The following PDGFC variants were observed in gnomAD, a reference collection of about 807,000 sequenced individuals.
PDGFC encodes platelet-derived growth factor C.
A neutral mutation model predicts 35.5 loss-of-function variants in PDGFC; 12 were observed. That is an observed-to-expected ratio of 0.34 (90% confidence interval 0.22 to 0.55). PDGFC has a LOEUF of 0.55. PDGFC is among the 20% of genes least tolerant of loss of function. The pLI, the probability that PDGFC is intolerant of heterozygous loss-of-function variation, is 0.91. For missense variants in PDGFC, 322 were observed against 412.4 expected (o/e 0.78, Z 1.90); for synonymous variants, 159 against 148.8 (o/e 1.07, Z -0.50).
At chr4:156,900,456 TG>T (rs1730739882) in intron 1 of PDGFC, among the ~76,000 whole-genome samples, 1 of 152,060 alleles carries the variant, frequency 6.6e-6, no homozygotes, top group African/African-American at 2.4e-5. Context: ...ACAGACATAA[TG>T]GGTGGAGTCA....
intron 2 of PDGFC, among the ~76,000 whole-genome samples, chr4:156,841,653 C>T (rs762120798): frequency 4.6e-5 from 7 of 152,002 alleles, no homozygotes; most frequent in South Asian, 2.1e-4. Context: ...ATTACAAGCA[C>T]GTGCCACCAT....
At chr4:156,790,005 ATACTTTGAGG>A (rs1731250154) in intron 3 of PDGFC, among the ~76,000 whole-genome samples, 3 of 146,580 alleles carry the variant, frequency 2.0e-5, no homozygotes, top group African/African-American at 8.1e-5. Context: ...AAAAGAAAGA[ATACTTTGAGG>A]AAACATAGTA....
intron 3 of PDGFC, among the ~76,000 whole-genome samples, chr4:156,792,452 G>A (rs1731323457): frequency 6.6e-6 from 1 of 152,074 alleles, no homozygotes; most frequent in South Asian, 2.1e-4. Context: ...AAAAACAAAC[G>A]TGTCAAGATC....
intron 1 of PDGFC, among the ~76,000 whole-genome samples, chr4:156,944,082 G>A (rs1731877845): frequency 6.6e-6 from 1 of 152,114 alleles, no homozygotes; most frequent in South Asian, 2.1e-4. Flanking sequence ...AAATTAAAGT[G>A]GCTATTAGAG....
intron 1 of PDGFC, among the ~76,000 whole-genome samples, 167 bp from the exon 2 acceptor site, chr4:156,850,583 T>G (rs1319435842): frequency 6.6e-6 from 1 of 152,154 alleles, no homozygotes; most frequent in African/African-American, 2.4e-5. Flanking sequence ...AAAAGATTAT[T>G]TTATCATTAT....
intron 3 of PDGFC, among the ~76,000 whole-genome samples, chr4:156,776,031 G>C (rs1730819196): frequency 6.6e-6 from 1 of 151,980 alleles, no homozygotes; most frequent in Non-Finnish European, 1.5e-5. Context: ...GTTCAAGAAA[G>C]AGCCGAGTTG....
intron 1 of PDGFC, among the ~76,000 whole-genome samples, chr4:156,890,607 T>G (rs1332095419): frequency 2.0e-5 from 3 of 152,178 alleles, no homozygotes; most frequent in Admixed American, 6.5e-5. Flanking sequence ...CCGGGGTTCA[T>G]GCACCCTCTT....
chr4:156,783,734 C>T (rs989270361), intron 3 of PDGFC, among the ~76,000 whole-genome samples: 2 of 152,100 alleles, frequency 1.3e-5, no homozygotes, highest in African/African-American at 4.8e-5. Flanking sequence ...ATCTTGATGT[C>T]TTTTGGATAT....
rs1017044973 is a variant in PDGFC, at chr4:156,769,515, C to T, written c.704-1525G>A. ...AAGTATAGGAAAGCACCAAAGAAATCCCAATTCAATGAGTCCATTTCAACA... is the reference window on the plus strand; with the variant it reads ...AAGTATAGGAAAGCACCAAAGAAATTCCAATTCAATGAGTCCATTTCAACA... On this transcript the variant is annotated intron_variant, in intron 4 of 5. Coordinates refer to ENST00000502773, the MANE Select transcript of PDGFC (RefSeq NM_016205.3). Among the ~76,000 whole-genome samples, 8 of 151,792 alleles carry T rather than the reference C, an allele frequency of 5.3e-5. 1 individual carries two copies. The highest frequency in any genetic ancestry group is 5.3e-4 in the Admixed American group (8 of 15,200).
chr4:156,813,619 T>C (rs1478654269), intron 2 of PDGFC, among the ~76,000 whole-genome samples: 3 of 152,066 alleles, frequency 2.0e-5, no homozygotes, highest in African/African-American at 7.2e-5. Context: ...TGGTCCATTG[T>C]GAACTGAGGG....
chr4:156,778,296 G>A (rs1730880811), intron 3 of PDGFC: 1 of 299,850 alleles, frequency 3.3e-6, no homozygotes, highest in Admixed American at 3.4e-5. Context: ...AACCAAACAA[G>A]TATCACACAA....
At chr4:156,941,983 TA>T (rs543144910) in intron 1 of PDGFC, among the ~76,000 whole-genome samples, 39 of 152,164 alleles carry the variant, frequency 2.6e-4, no homozygotes, top group South Asian at 2.3e-3. Context: ...TATTAGTGAA[TA>T]AAGGCAAGTA....
At chr4:156,961,024 G>A (rs1424069532) in intron 1 of PDGFC, among the ~76,000 whole-genome samples, 1 of 152,028 alleles carries the variant, frequency 6.6e-6, no homozygotes, top group African/African-American at 2.4e-5. Context: ...TTTCCAGTAG[G>A]AGAAATGAAT....
At chr4:156,890,820 T>A (rs1319904187) in intron 1 of PDGFC, among the ~76,000 whole-genome samples, 1 of 152,194 alleles carries the variant, frequency 6.6e-6, no homozygotes, top group Non-Finnish European at 1.5e-5. Context: ...ATTTAAAGAA[T>A]ATCTTTTAAA....
chr4:156,843,520 G>A (rs897534447), intron 2 of PDGFC, among the ~76,000 whole-genome samples: 1 of 152,158 alleles, frequency 6.6e-6, no homozygotes, highest in Non-Finnish European at 1.5e-5. Flanking sequence ...GCTGAGGTAG[G>A]CATACCACAG....
chr4:156,802,795 A>C (rs894566287), intron 3 of PDGFC, among the ~76,000 whole-genome samples: 7 of 152,284 alleles, frequency 4.6e-5, no homozygotes, highest in African/African-American at 1.4e-4. Flanking sequence ...ATCCACAGGC[A>C]CAGAATGTCC....
chr4:156,943,014 T>C (rs1298789502), intron 1 of PDGFC, among the ~76,000 whole-genome samples: 1 of 152,062 alleles, frequency 6.6e-6, no homozygotes, highest in Non-Finnish European at 1.5e-5. Flanking sequence ...AATCTGATTA[T>C]CTTTTCAGTG....
intron 1 of PDGFC, among the ~76,000 whole-genome samples, chr4:156,900,116 C>T (rs1730731713): frequency 6.6e-6 from 1 of 152,112 alleles, no homozygotes; most frequent in Non-Finnish European, 1.5e-5. Flanking sequence ...CCTCATCTAC[C>T]CAGTCATCTC....
rs544724673 is a variant in PDGFC at position 156,852,040 on chromosome 4, A to G, written c.119-1624T>C. Among the ~76,000 whole-genome samples the G allele has an allele frequency of 2.6e-5, 4 of 152,156 alleles. No homozygotes were observed. In the South Asian group the frequency reaches 6.2e-4, roughly 24 times the overall value. ...AAAACTTTTAAATATCCCTTATTGA[A>G]TTTCTAATACTATTTTATTTTAAAA... On this transcript the variant is annotated intron_variant, in intron 1 of 5. Transcript: ENST00000502773.
Sources: allele counts gnomAD v4.1 joint callset (sites outside exome capture counted in the v4.1 genomes callset), GRCh38; gene constraint gnomAD v4.1.1; transcripts MANE v1.5; gene names NCBI Gene and HGNC (gene_info 2026-07-23, HGNC 2026-07-21).